Variants in WDR70 observed in about 807,000 individuals in gnomAD.
WDR70 encodes the protein WD repeat domain 70, also known as WD repeat-containing protein 70.
Under a neutral mutation model 88.6 loss-of-function variants are expected in WDR70, and 53 were observed. The observed-to-expected ratio is 0.60, with a 90% CI of 0.48 to 0.75. WDR70 has a LOEUF of 0.75. Ranked by LOEUF, WDR70 falls within the 30% of genes least tolerant of loss-of-function variation. The probability of loss-of-function intolerance (pLI) is 0.00; values close to 1 mark genes in which losing one functional copy is unlikely to be tolerated. For missense variants in WDR70, 610 were observed against 823.2 expected (o/e 0.74, Z 3.17); for synonymous variants, 280 against 270.0 (o/e 1.04, Z -0.36).
chr5:37,572,324 G>A (rs944055596), intron 9 of WDR70, among the ~76,000 whole-genome samples: 1 of 152,028 alleles, frequency 6.6e-6, no homozygotes, highest in Non-Finnish European at 1.5e-5. Context: ...AAAAGAGGCT[G>A]CTGGATCTAT....
At chr5:37,383,450 C>T (rs1488972798) in intron 3 of WDR70, among the ~76,000 whole-genome samples, 2 of 151,630 alleles carry the variant, frequency 1.3e-5, no homozygotes, top group African/African-American at 4.8e-5. Flanking sequence ...TTAGTGGAGA[C>T]GGGGTTTCGC....
chr5:37,730,124 G>A (rs913742333), intron 17 of WDR70, among the ~76,000 whole-genome samples: 1 of 152,060 alleles, frequency 6.6e-6, no homozygotes, highest in Non-Finnish European at 1.5e-5. Flanking sequence ...AGAGTAAAAT[G>A]TCACCGTTTT....
chr5:37,564,812 T>A (rs143722439), intron 9 of WDR70, among the ~76,000 whole-genome samples: 104 of 152,350 alleles, frequency 6.8e-4, no homozygotes, highest in African/African-American at 2.4e-3. Flanking sequence ...ATACTGTTAG[T>A]TGCAGTTTTC....
chr5:37,581,685 G>C (rs1743219873), intron 9 of WDR70, among the ~76,000 whole-genome samples: 1 of 152,148 alleles, frequency 6.6e-6, no homozygotes, highest in South Asian at 2.1e-4. Flanking sequence ...GATGATCTAA[G>C]GGGAAACTGT....
At chr5:37,704,823 T>A (rs12513493) in intron 13 of WDR70, among the ~76,000 whole-genome samples, 2 of 151,844 alleles carry the variant, frequency 1.3e-5, no homozygotes, top group Non-Finnish European at 2.9e-5. Flanking sequence ...GAGAGAGATA[T>A]CTAGAGTTAG....
chr5:37,715,713 A>G (rs1420047989), intron 13 of WDR70, among the ~76,000 whole-genome samples: 1 of 152,112 alleles, frequency 6.6e-6, no homozygotes, highest in African/African-American at 2.4e-5. Flanking sequence ...AACAATTCCC[A>G]TTTTACTCTC....
At chr5:37,748,700 T>A (rs925839289) in intron 17 of WDR70, among the ~76,000 whole-genome samples, 10 of 151,980 alleles carry the variant, frequency 6.6e-5, no homozygotes, top group African/African-American at 2.2e-4. Context: ...TGGGAGAAAA[T>A]TTTTGCAATC....
chr5:37,411,571 C>T (rs1304190824), intron 5 of WDR70, among the ~76,000 whole-genome samples: 7 of 152,014 alleles, frequency 4.6e-5, no homozygotes, highest in South Asian at 4.1e-4. Context: ...ACTAAAAATA[C>T]AAAAATTATC....
chr5:37,566,744 A>G (rs1742752421), intron 9 of WDR70, among the ~76,000 whole-genome samples: 1 of 152,184 alleles, frequency 6.6e-6, no homozygotes, highest in Non-Finnish European at 1.5e-5. Flanking sequence ...CAAGGCTAAT[A>G]CATAAGGCCT....
intron 7 of WDR70, among the ~76,000 whole-genome samples, chr5:37,459,416 C>A (rs1329422771): frequency 6.7e-6 from 1 of 150,206 alleles, no homozygotes; most frequent in African/African-American, 2.4e-5. Context: ...TTTGACAAAC[C>A]TGAGAAAAAC....
intron 9 of WDR70, among the ~76,000 whole-genome samples, chr5:37,566,871 G>C (rs924860778): frequency 3.9e-5 from 6 of 152,162 alleles, no homozygotes; most frequent in Non-Finnish European, 7.3e-5. Flanking sequence ...TAGTTCACCA[G>C]GGATTTAGTT....
intron 10 of WDR70, among the ~76,000 whole-genome samples, chr5:37,625,979 GA>G (rs1425523194): frequency 6.7e-6 from 1 of 149,484 alleles, no homozygotes; most frequent in Non-Finnish European, 1.5e-5. Context: ...CAAATTTACT[GA>G]ATTCTGTTAT....
intron 3 of WDR70, among the ~76,000 whole-genome samples, chr5:37,391,506 A>G (rs1748819049): frequency 1.3e-5 from 2 of 152,182 alleles, no homozygotes; most frequent in South Asian, 4.1e-4. Flanking sequence ...GGCATTATAC[A>G]ATATTCGTCT....
At chr5:37,536,177 A>G (rs1292323880) in intron 9 of WDR70, among the ~76,000 whole-genome samples, 1 of 152,124 alleles carries the variant, frequency 6.6e-6, no homozygotes, top group Non-Finnish European at 1.5e-5. Context: ...GTTTCATTGT[A>G]TTCCCATGGT....
intron 17 of WDR70, among the ~76,000 whole-genome samples, chr5:37,751,690 T>C (rs1017642826): frequency 2.0e-5 from 3 of 152,250 alleles, no homozygotes; most frequent in Non-Finnish European, 4.4e-5. Flanking sequence ...TTCTTCATAA[T>C]GCGATAGAGC....
At chr5:37,479,366 GTT>G (rs55879112) in intron 7 of WDR70, 56 of 133,196 alleles carry the variant, frequency 4.2e-4, no homozygotes, top group Non-Finnish European at 6.4e-4. Context: ...GGTGGTGGTT[GTT>G]TTTTTTTTTT....
At chr5:37,683,138 G>A (rs953235309) in intron 10 of WDR70, among the ~76,000 whole-genome samples, 1 of 152,096 alleles carries the variant, frequency 6.6e-6, no homozygotes, top group Non-Finnish European at 1.5e-5. Context: ...AATCCATTTT[G>A]TCTGAAATTA....
At chr5:37,574,594 A>G (rs1457896856) in intron 9 of WDR70, among the ~76,000 whole-genome samples, 1 of 152,030 alleles carries the variant, frequency 6.6e-6, no homozygotes, top group Non-Finnish European at 1.5e-5. Context: ...AATCCTTTAC[A>G]TCTCTAGTTC....
At chr5:37,694,201 G>T (rs1746909054) in intron 10 of WDR70, among the ~76,000 whole-genome samples, 1 of 152,206 alleles carries the variant, frequency 6.6e-6, no homozygotes, top group Non-Finnish European at 1.5e-5. Context: ...GGAAACAACA[G>T]ATGCTGGAGA....
Sources: allele counts gnomAD v4.1 joint callset (sites outside exome capture counted in the v4.1 genomes callset), GRCh38; gene constraint gnomAD v4.1.1; transcripts MANE v1.5; gene names NCBI Gene and HGNC (gene_info 2026-07-23, HGNC 2026-07-21).